Variants in ANKRD42 observed in about 807,000 individuals in gnomAD.
ANKRD42 encodes ankyrin repeat domain-containing protein 42.
A neutral mutation model predicts 51.5 loss-of-function variants in ANKRD42; 43 were observed. That is an observed-to-expected ratio of 0.83 (90% CI 0.65 to 1.08). The LOEUF (loss-of-function observed/expected upper bound fraction) is 1.08, where lower values mean the gene tolerates loss of function less well. Among genes scored for constraint, ANKRD42 ranks in the 50% least tolerant of loss-of-function variants. The pLI, the probability that ANKRD42 is intolerant of heterozygous loss-of-function variation, is 0.00. For synonymous variants in ANKRD42, 203 were observed against 213.0 expected (o/e 0.95, Z 0.41); for missense variants, 608 against 629.3 (o/e 0.97, Z 0.36).
chr11:83,200,016 T>A (rs1467462428), intron 2 of ANKRD42, among the ~76,000 whole-genome samples: 5 of 152,188 alleles, frequency 3.3e-5, no homozygotes, highest in African/African-American at 4.8e-5. Context: ...GCAGGTTTTT[T>A]AATCTGTTTG....
intron 7 of ANKRD42, among the ~76,000 whole-genome samples, chr11:83,231,593 G>C (rs1415441264): frequency 2.0e-5 from 3 of 152,166 alleles, no homozygotes; most frequent in South Asian, 2.1e-4. Context: ...TTGGTTGCCT[G>C]TGCTTGTAGG....
At chr11:83,196,753 A>G (rs1861674086) in intron 1 of ANKRD42, among the ~76,000 whole-genome samples, 1 of 152,160 alleles carries the variant, frequency 6.6e-6, no homozygotes, top group African/African-American at 2.4e-5. Context: ...CGTTGAGTAG[A>G]TGGATGAGTG....
chr11:83,259,900 C>CCTGT (rs1863852815), downstream of ANKRD42: 1 of 152,242 alleles, frequency 6.6e-6, no homozygotes, highest in African/African-American at 2.4e-5. Flanking sequence ...ACAGATTTAC[C>CCTGT]CTGTCTCAAG....
intron 11 of ANKRD42, among the ~76,000 whole-genome samples, chr11:83,255,413 C>T (rs911789908): frequency 2.0e-5 from 3 of 152,040 alleles, no homozygotes; most frequent in Non-Finnish European, 4.4e-5. Flanking sequence ...AAGAGGGAAG[C>T]GGGGAAGCTA....
intron 7 of ANKRD42, among the ~76,000 whole-genome samples, chr11:83,235,102 C>G (rs1863186996): frequency 6.6e-6 from 1 of 152,162 alleles, no homozygotes; most frequent in South Asian, 2.1e-4. Context: ...GTACTGTGAG[C>G]CAGAATGAGA....
intron 2 of ANKRD42, among the ~76,000 whole-genome samples, chr11:83,199,003 G>A (rs772227278): frequency 6.6e-6 from 1 of 152,066 alleles, no homozygotes; most frequent in Non-Finnish European, 1.5e-5. Flanking sequence ...TGCTGGTTAT[G>A]GATTAGGCAC....
At chr11:83,251,387 A>G (rs1046948229), downstream of ANKRD42, among the ~76,000 whole-genome samples, 1 of 152,228 alleles carries the variant, frequency 6.6e-6, no homozygotes, top group South Asian at 2.1e-4. Context: ...CACTTAACTT[A>G]TGTTAATAAC....
intron 3 of ANKRD42, 66 bp from the exon 4 acceptor site, chr11:83,210,234 C>A: frequency 6.7e-7 from 1 of 1,500,170 alleles, no homozygotes; most frequent in South Asian, 1.2e-5. Flanking sequence ...TTTGTATAAT[C>A]TGCATCTGCA....
At position 83,248,132 on chromosome 11, in the gene ANKRD42, A is replaced by G. The variant is rs1362696068; in HGVS notation, c.1512A>G (p.Ile504Met). 2.6e-5 allele frequency: 40 copies of G among 1,544,582 alleles called. No individual in the cohort carries two copies. Among genetic ancestry groups the G allele is most frequent in the Non-Finnish European group, 3.2e-5 (37 of 1,146,872 alleles). ...FNTFIFLKKY[I>M]QEWPRVQALG... Reference sequence around the variant, plus strand: ...CATTTATTTTTCTCAAGAAGTATATACAAGAGTGGCCAAGAGTACAAGCTT... The same window carrying G: ...CATTTATTTTTCTCAAGAAGTATATGCAAGAGTGGCCAAGAGTACAAGCTT... Residue 504 changes from isoleucine (I) to methionine (M), a missense_variant, in exon 11 of 11, where the codon ATA becomes ATG. Transcript: ENST00000533342.
rs74416657 is a variant in ANKRD42 at position 83,255,790 on chromosome 11, G to A, written c.1465-55G>A. ...TTTTGAACAGGCAATGTAGAAAGAC[G>A]AAAATGTGTGCTAGCATGAAAATTG... is the stretch of plus-strand genomic sequence containing the variant. On this transcript the variant is annotated intron_variant, in intron 11 of 11. Transcript: ENST00000260047. The A allele has an allele frequency of 9.5e-4, 1,330 of 1,405,008 alleles. 13 individuals carry two copies. The African/African-American group carries it at 0.015, about 16-fold the overall frequency. 87.0% of individuals were successfully genotyped at this position (1,405,008 alleles called of 1,614,324 possible). A position where few individuals can be genotyped will look rare whatever the true frequency, so the allele number is the denominator to read the frequency against.
downstream of ANKRD42, among the ~76,000 whole-genome samples, chr11:83,252,492 C>A (rs951754270): frequency 6.6e-6 from 1 of 152,176 alleles, no homozygotes; most frequent in Non-Finnish European, 1.5e-5. Context: ...TATATTCATA[C>A]AATGGAATAT....
chr11:83,212,639 A>G (rs756171708), intron 5 of ANKRD42: 17 of 1,528,428 alleles, frequency 1.1e-5, no homozygotes, highest in African/African-American at 2.7e-5. Flanking sequence ...TGATCAAATC[A>G]CTTTGCTATT....
chr11:83,194,189 CT>C lies in ANKRD42; in HGVS notation c.-481del, dbSNP rs1861529930. The C allele has an allele frequency of 4.4e-6, 2 of 458,482 alleles. No homozygotes were observed. The highest frequency in any genetic ancestry group is 3.1e-5 in the South Asian group (2 of 64,586). The allele number at this position is 458,482 out of a possible 1,614,324, so 28.4% of individuals were successfully genotyped here. On this transcript the variant is annotated 5_prime_UTR_variant, in exon 1 of 11. Transcript: ENST00000533342. Reference sequence around the variant, plus strand: ...TTTAGTGAAGTTGGAGGCCACCAAACTACCGACTCCAGGGGAACAGCCAGAG... The same window carrying C: ...TTTAGTGAAGTTGGAGGCCACCAAACACCGACTCCAGGGGAACAGCCAGAG...
intron 7 of ANKRD42, among the ~76,000 whole-genome samples, chr11:83,229,712 G>C (rs972464143): frequency 6.6e-6 from 1 of 152,140 alleles, no homozygotes; most frequent in African/African-American, 2.4e-5. Flanking sequence ...AAAAGAGTTT[G>C]CTCTTCACCC....
At chr11:83,237,268 T>C (rs543862701) in intron 8 of ANKRD42, among the ~76,000 whole-genome samples, 20 of 152,272 alleles carry the variant, frequency 1.3e-4, no homozygotes, top group African/African-American at 4.6e-4. Context: ...ACTAAGAATA[T>C]AGAAAAAAAT....
chr11:83,213,460 A>C (rs1165399651), intron 5 of ANKRD42: 1 of 1,406,112 alleles, frequency 7.1e-7, no homozygotes, highest in East Asian at 2.7e-5. Context: ...GCAAAGAAAA[A>C]CCAAAAAACA....
Position 83,210,314 on chromosome 11 carries a change from TG to T in ANKRD42, c.347del (p.Gly116GlufsTer4). 6.2e-7 allele frequency: 1 copy of T among 1,613,782 alleles called. No individual in the cohort carries two copies. On this transcript the variant is annotated frameshift_variant, in exon 4 of 11. Transcript: ENST00000533342. LOFTEE classifies it high-confidence loss of function. ...DACVQALIMN[G>X]ANLTAQDDRG... Reference sequence around the variant, plus strand: ...TCTATTTTTAGGCTCTTATAATGAATGGAGCAAATCTGACAGCCCAGGATGA... The same window carrying T: ...TCTATTTTTAGGCTCTTATAATGAATGAGCAAATCTGACAGCCCAGGATGA...
chr11:83,228,773 C>T (rs1330175080), intron 7 of ANKRD42, among the ~76,000 whole-genome samples: 2 of 152,040 alleles, frequency 1.3e-5, no homozygotes, highest in Non-Finnish European at 1.5e-5. Context: ...AGATGGGATG[C>T]AAAGGATGTT....
At chr11:83,220,165 G>A (rs1183678811) in intron 5 of ANKRD42, among the ~76,000 whole-genome samples, 2 of 152,202 alleles carry the variant, frequency 1.3e-5, no homozygotes, top group Non-Finnish European at 2.9e-5. Flanking sequence ...ACTCCCAGGT[G>A]TATTTTGGGA....
Sources: gnomAD v4.1 joint callset for allele counts (sites outside exome capture counted in the v4.1 genomes callset) on GRCh38, gnomAD v4.1.1 for gene constraint, MANE v1.5 for transcripts, NCBI Gene and HGNC (gene_info 2026-07-23, HGNC 2026-07-21) for gene names.